The following GRIA4 variants were observed in gnomAD, a reference collection of about 807,000 sequenced individuals.
GRIA4 encodes the protein glutamate receptor 4.
Under a neutral mutation model 104.0 loss-of-function variants are expected in GRIA4, and 34 were observed. The observed-to-expected ratio is 0.33, with a 90% CI of 0.25 to 0.44. The LOEUF is 0.44. Among genes scored for constraint, GRIA4 ranks in the 20% least tolerant of loss-of-function variants. GRIA4 has a pLI of 1.00. For synonymous variants in GRIA4, 386 were observed against 381.9 expected, an observed-to-expected ratio of 1.01 and a Z score of -0.13; for missense variants, 750 against 1,096.5, an observed-to-expected ratio of 0.68 and a Z score of 4.46.
At chr11:105,768,213 T>A (rs530803757) in intron 4 of GRIA4, among the ~76,000 whole-genome samples, 2 of 152,124 alleles carry the variant, frequency 1.3e-5, no homozygotes, top group South Asian at 4.1e-4. Context: ...CCCCAGGAGG[T>A]AATGCCAAGT....
chr11:105,769,111 T>C (rs754034152), intron 4 of GRIA4, among the ~76,000 whole-genome samples: 12 of 152,100 alleles, frequency 7.9e-5, no homozygotes, highest in Non-Finnish European at 1.6e-4. Flanking sequence ...AAGAGAATTA[T>C]GAAGCAAGGG....
Position 105,662,851 on chromosome 11 carries a change from T to G in GRIA4, c.247+50417T>G, listed in dbSNP as rs554800166. ...GAGACTGAGGTTTTCTCAGAGTTAC[T>G]GAGAGCAACAGAAGGGCCCTCTGTG... is the stretch of plus-strand genomic sequence containing the variant. On this transcript the variant is annotated intron_variant, in intron 3 of 16. Coordinates refer to ENST00000282499, the MANE Select transcript of GRIA4 (RefSeq NM_000829.4). Among the ~76,000 whole-genome samples, 3 of 152,012 alleles carry G rather than the reference T, an allele frequency of 2.0e-5. No individual in the cohort carries two copies. In the East Asian group the frequency reaches 5.8e-4, roughly 29 times the overall value.
chr11:105,760,584 T>G (rs1940572935), intron 4 of GRIA4, among the ~76,000 whole-genome samples: 1 of 152,180 alleles, frequency 6.6e-6, no homozygotes, highest in Non-Finnish European at 1.5e-5. Context: ...TTTTTCTGTT[T>G]TCTGGATGAG....
intron 15 of GRIA4, among the ~76,000 whole-genome samples, chr11:105,973,833 G>A (rs1858827326): frequency 6.6e-6 from 1 of 152,116 alleles, no homozygotes. Flanking sequence ...CTCCTTAGTT[G>A]CTCAACTAGG....
chr11:105,828,291 A>G (rs1218238860), intron 4 of GRIA4, among the ~76,000 whole-genome samples: 1 of 152,040 alleles, frequency 6.6e-6, no homozygotes, highest in African/African-American at 2.4e-5. Context: ...TTTATTCTGT[A>G]TAAAAGCTGC....
rs553277705 is a variant in GRIA4, at chr11:105,834,905, A to T, written c.488-27119A>T. 4.3e-4 allele frequency among the ~76,000 whole-genome samples: 66 copies of T among 152,032 alleles called. 1 individual carries two copies. Among genetic ancestry groups the T allele is most frequent in the Middle Eastern group, 6.8e-3 (2 of 294 alleles). On this transcript the variant is annotated intron_variant, in intron 4 of 16. Coordinates refer to ENST00000282499, the MANE Select transcript of GRIA4 (RefSeq NM_000829.4). ...ATAGTCTTCAATAAATTTTAACATC[A>T]CCCTAGTAAATATAGTTCATTAGTA...
intron 3 of GRIA4, among the ~76,000 whole-genome samples, chr11:105,741,026 T>A (rs1446590815): frequency 2.0e-5 from 3 of 152,092 alleles, no homozygotes; most frequent in Non-Finnish European, 4.4e-5. Context: ...CTGGTAATAG[T>A]TAGAAGAGTT....
chr11:105,686,520 A>G (rs1176082248), intron 3 of GRIA4, among the ~76,000 whole-genome samples: 1 of 152,158 alleles, frequency 6.6e-6, no homozygotes, highest in East Asian at 1.9e-4. Flanking sequence ...TTGTGAATAG[A>G]GCTGCAATAA....
At chr11:105,958,057 A>G (rs1315440037) in intron 14 of GRIA4, among the ~76,000 whole-genome samples, 1 of 152,202 alleles carries the variant, frequency 6.6e-6, no homozygotes, top group Non-Finnish European at 1.5e-5. Flanking sequence ...TCATCTGCAA[A>G]CAGGGACAAT....
At chr11:105,666,397 A>G (rs1019258618) in intron 3 of GRIA4, among the ~76,000 whole-genome samples, 1 of 151,908 alleles carries the variant, frequency 6.6e-6, no homozygotes, top group Non-Finnish European at 1.5e-5. Flanking sequence ...AGTAAATTAC[A>G]TTTTATCAAA....
At chr11:105,958,995 A>G (rs1446648405) in intron 14 of GRIA4, among the ~76,000 whole-genome samples, 6 of 152,130 alleles carry the variant, frequency 3.9e-5, no homozygotes, top group Non-Finnish European at 8.8e-5. Context: ...AGTCTGATGC[A>G]CTTCCCTTTG....
chr11:105,634,517 A>AAAG (rs770694759), intron 3 of GRIA4, among the ~76,000 whole-genome samples: 7,436 of 41,812 alleles, frequency 0.18, 368 homozygotes, highest in East Asian at 0.24. Context: ...AAGAAAGAAG[A>AAAG]AAGAAAGAAA....
At chr11:105,730,068 T>A (rs928508316) in intron 3 of GRIA4, among the ~76,000 whole-genome samples, 3 of 152,128 alleles carry the variant, frequency 2.0e-5, no homozygotes, top group Admixed American at 1.3e-4. Flanking sequence ...CGTATTCAAA[T>A]AGGAAGAGAG....
intron 3 of GRIA4, among the ~76,000 whole-genome samples, chr11:105,634,476 A>C (rs1008015551): frequency 3.8e-5 from 2 of 53,224 alleles, no homozygotes; most frequent in Non-Finnish European, 1.0e-4. Flanking sequence ...AGGGAAAGAA[A>C]GAAAGAAAGA....
chr11:105,769,402 G>T (rs748857184), intron 4 of GRIA4, among the ~76,000 whole-genome samples: 5 of 152,002 alleles, frequency 3.3e-5, no homozygotes, highest in Non-Finnish European at 7.4e-5. Context: ...GGAGGAAAAA[G>T]GGTGTTTCAT....
chr11:105,867,276 T>C (rs1297235466), intron 5 of GRIA4, among the ~76,000 whole-genome samples: 1 of 152,116 alleles, frequency 6.6e-6, no homozygotes, highest in Non-Finnish European at 1.5e-5. Flanking sequence ...CAAACCTAAA[T>C]GAGGCCATTT....
intron 12 of GRIA4, among the ~76,000 whole-genome samples, chr11:105,925,588 C>A (rs1457976496): frequency 1.3e-5 from 2 of 151,996 alleles, no homozygotes; most frequent in African/African-American, 4.8e-5. Flanking sequence ...ATTTTGGGCA[C>A]AATGCAATTT....
chr11:105,820,066 G>A (rs552367263), intron 4 of GRIA4, among the ~76,000 whole-genome samples: 2 of 152,202 alleles, frequency 1.3e-5, no homozygotes, highest in Admixed American at 6.5e-5. Context: ...AAACTAGGAA[G>A]AGGCAGGGCA....
At chr11:105,972,395 CA>C (rs946778534) in intron 15 of GRIA4, among the ~76,000 whole-genome samples, 2 of 151,938 alleles carry the variant, frequency 1.3e-5, no homozygotes, top group African/African-American at 4.8e-5. Flanking sequence ...GATATATTCT[CA>C]AAACAAGAAA....
Sources: gnomAD v4.1 joint callset for allele counts (sites outside exome capture counted in the v4.1 genomes callset) on GRCh38, gnomAD v4.1.1 for gene constraint, MANE v1.5 for transcripts, NCBI Gene and HGNC (gene_info 2026-07-23, HGNC 2026-07-21) for gene names.